Variants in CTNND2 observed in about 807,000 individuals in gnomAD.
CTNND2 encodes catenin delta 2.
In CTNND2, 22 loss-of-function variants were observed where a neutral mutation model predicts 144.4. The ratio of observed to expected loss-of-function variants is 0.15; its 90% CI spans 0.11 to 0.22. The LOEUF is 0.22. Ranked by LOEUF, CTNND2 falls within the 10% of genes least tolerant of loss-of-function variation. The pLI is 1.00. For synonymous variants in CTNND2, 751 were observed against 695.6 expected, an observed-to-expected ratio of 1.08 and a Z score of -1.25; for missense variants, 1,353 against 1,618.8, an observed-to-expected ratio of 0.84 and a Z score of 2.82.
intron 16 of CTNND2, among the ~76,000 whole-genome samples, chr5:11,062,285 T>A (rs1271287152): frequency 6.6e-6 from 1 of 152,252 alleles, no homozygotes; most frequent in African/African-American, 2.4e-5. Flanking sequence ...TTGTGGCACT[T>A]CTATTTTGAA....
At chr5:11,676,086 G>A (rs945694268) in intron 2 of CTNND2, among the ~76,000 whole-genome samples, 5 of 151,742 alleles carry the variant, frequency 3.3e-5, no homozygotes, top group African/African-American at 1.2e-4. Flanking sequence ...CCTCATACAG[G>A]AGAGCTCTGG....
chr5:11,764,841 G>A (rs1789487394), intron 1 of CTNND2, among the ~76,000 whole-genome samples: 1 of 152,054 alleles, frequency 6.6e-6, no homozygotes, highest in Admixed American at 6.5e-5. Flanking sequence ...ACTACAAAGT[G>A]TTACTGAGTA....
At chr5:11,352,289 A>G (rs1243154853) in intron 8 of CTNND2, among the ~76,000 whole-genome samples, 2 of 152,208 alleles carry the variant, frequency 1.3e-5, no homozygotes, top group Non-Finnish European at 2.9e-5. Context: ...CTCAAACTGA[A>G]TGTGGGATCA....
At chr5:11,337,703 A>G (rs1292612519) in intron 9 of CTNND2, among the ~76,000 whole-genome samples, 1 of 152,180 alleles carries the variant, frequency 6.6e-6, no homozygotes, top group East Asian at 1.9e-4. Context: ...AATTCAGTAG[A>G]TTACTCCTTT....
chr5:11,813,554 C>T (rs1792463329), intron 1 of CTNND2, among the ~76,000 whole-genome samples: 1 of 152,188 alleles, frequency 6.6e-6, no homozygotes, highest in African/African-American at 2.4e-5. Context: ...AATGCATATC[C>T]AAATATCCTT....
At chr5:11,121,491 G>A (rs761156523) in intron 12 of CTNND2, among the ~76,000 whole-genome samples, 5 of 152,134 alleles carry the variant, frequency 3.3e-5, no homozygotes, top group South Asian at 2.1e-4. Flanking sequence ...CTTTACAATC[G>A]TGACTGAATT....
chr5:11,270,658 A>C (rs1486325907), intron 9 of CTNND2, among the ~76,000 whole-genome samples: 2 of 152,176 alleles, frequency 1.3e-5, no homozygotes, highest in Admixed American at 6.5e-5. Context: ...ATTAGAAAGG[A>C]TCAAGCTCTT....
intron 10 of CTNND2, among the ~76,000 whole-genome samples, chr5:11,223,667 G>A (rs988123136): frequency 2.0e-5 from 3 of 152,148 alleles, no homozygotes; most frequent in Non-Finnish European, 4.4e-5. Context: ...CAGGAGAGGT[G>A]CTCATTTGGC....
chr5:11,626,787 G>A (rs1056674509), intron 2 of CTNND2, among the ~76,000 whole-genome samples: 25 of 152,198 alleles, frequency 1.6e-4, no homozygotes, highest in Admixed American at 1.4e-3. Context: ...AACTTCACAC[G>A]CAAATCGGAA....
At chr5:11,662,126 T>TACAC (rs1783249294) in intron 2 of CTNND2, among the ~76,000 whole-genome samples, 1 of 147,688 alleles carries the variant, frequency 6.8e-6, no homozygotes, top group Non-Finnish European at 1.5e-5. Context: ...TGTATATATA[T>TACAC]ATACATATAT....
intron 19 of CTNND2, among the ~76,000 whole-genome samples, chr5:10,989,949 T>C (rs1250902468): frequency 6.6e-6 from 1 of 152,190 alleles, no homozygotes; most frequent in South Asian, 2.1e-4. Flanking sequence ...GGATCCTGGA[T>C]GCCTATTAGA....
chr5:11,875,779 T>C (rs555444093), intron 1 of CTNND2, among the ~76,000 whole-genome samples: 9 of 152,234 alleles, frequency 5.9e-5, no homozygotes, highest in Non-Finnish European at 1.3e-4. Flanking sequence ...TATTTTGTTA[T>C]AGCAGCACCA....
rs569698671 is a variant in CTNND2 at position 11,147,504 on chromosome 5, C to G, written c.2159+12072G>C. On this transcript the variant is annotated intron_variant, in intron 12 of 21. Transcript: ENST00000304623. ...GAGGGGCCCCACATGAGGCTGGAGA[C>G]TTGCAGGCCCAGGCCAGCTATGTCC... is the stretch of plus-strand genomic sequence containing the variant. Among the ~76,000 whole-genome samples the G allele has an allele frequency of 2.0e-5, 3 of 152,250 alleles. No homozygotes were observed. In the Middle Eastern group the frequency reaches 0.01, roughly 518 times the overall value.
At chr5:11,101,118 T>C (rs1221073616) in intron 14 of CTNND2, among the ~76,000 whole-genome samples, 1 of 152,212 alleles carries the variant, frequency 6.6e-6, no homozygotes, top group Non-Finnish European at 1.5e-5. Context: ...TTCTTGGCTA[T>C]TTTAGCACGT....
intron 10 of CTNND2, among the ~76,000 whole-genome samples, chr5:11,218,193 ATT>A (rs1420781010): frequency 2.0e-5 from 3 of 151,814 alleles, no homozygotes; most frequent in African/African-American, 7.3e-5. Context: ...CAAGTGTTAT[ATT>A]TCTTACTCAT....
chr5:11,274,296 A>G (rs548294374), intron 9 of CTNND2, among the ~76,000 whole-genome samples: 122 of 152,346 alleles, frequency 8.0e-4, no homozygotes, highest in South Asian at 1.5e-3. Flanking sequence ...TTTGGGCTTA[A>G]GAATGCATAG....
chr5:11,565,868 CA>C (rs1372737261), intron 2 of CTNND2, among the ~76,000 whole-genome samples: 2 of 152,066 alleles, frequency 1.3e-5, no homozygotes, highest in Admixed American at 1.3e-4. Context: ...ATAACCAGAG[CA>C]AATCATGTAT....
chr5:11,518,934 G>T (rs1453174421), intron 3 of CTNND2, among the ~76,000 whole-genome samples: 2 of 152,008 alleles, frequency 1.3e-5, no homozygotes. Flanking sequence ...CTTAAGTAAT[G>T]CAAAGGTAAT....
chr5:11,753,284 C>T (rs1415288525), intron 1 of CTNND2, among the ~76,000 whole-genome samples: 1 of 151,756 alleles, frequency 6.6e-6, no homozygotes, highest in East Asian at 1.9e-4. Flanking sequence ...CAGCTTTTAC[C>T]TGTTCACTAT....
Sources: allele counts gnomAD v4.1 joint callset (sites outside exome capture counted in the v4.1 genomes callset), GRCh38; gene constraint gnomAD v4.1.1; transcripts MANE v1.5; gene names NCBI Gene and HGNC (gene_info 2026-07-23, HGNC 2026-07-21).